The following EIF3L variants were observed in gnomAD, a reference collection of about 807,000 sequenced individuals.
The protein encoded by EIF3L is eukaryotic translation initiation factor 3 subunit L, also known as eIEF associated protein HSPC021.
EIF3L carries 32 observed loss-of-function variants against 74.6 expected under a neutral mutation model. That is an observed-to-expected ratio of 0.43 (90% confidence interval 0.32 to 0.58). EIF3L has a LOEUF of 0.58. EIF3L is among the 20% of genes least tolerant of loss of function. The pLI is 0.06. For synonymous variants in EIF3L, 256 were observed against 254.4 expected (o/e 1.01, Z -0.06); for missense variants, 474 against 707.8 (o/e 0.67, Z 3.75).
intron 7 of EIF3L, among the ~76,000 whole-genome samples, chr22:37,863,590 T>A (rs2145814130): frequency 6.6e-6 from 1 of 152,236 alleles, no homozygotes; most frequent in South Asian, 2.1e-4. Flanking sequence ...TTACTAGACC[T>A]TGTTAGGTGG....
intron 7 of EIF3L, among the ~76,000 whole-genome samples, chr22:37,865,909 G>C (rs1483904372): frequency 6.6e-6 from 1 of 152,214 alleles, no homozygotes; most frequent in East Asian, 1.9e-4. Context: ...CAGTGTTGTT[G>C]TTAAGGGGCT....
rs771738669 is a variant in EIF3L, at chr22:37,850,077, T to G, written c.82+14T>G. The G allele has an allele frequency of 6.2e-7, 1 of 1,613,278 alleles. No homozygotes were observed. The highest frequency in any genetic ancestry group is 1.1e-5 in the South Asian group (1 of 91,080). ...ATATGCACACAGGTGAGACCACGGG[T>G]TAGGCTGGCTGAGTACTCGTAGGGA... On this transcript the variant is annotated intron_variant, in intron 2 of 12. Transcript: ENST00000652021.
At chr22:37,849,879 T>C in intron 1 of EIF3L, 136 bp from the exon 2 acceptor site, 2 of 888,558 alleles carry the variant, frequency 2.3e-6, no homozygotes, top group Non-Finnish European at 3.7e-6. Context: ...CTAAGGCGTG[T>C]GAGTTCCTCA....
At chr22:37,887,020 C>T (rs773399877) in intron 12 of EIF3L, 175 bp downstream of exon 12, 8 of 463,776 alleles carry the variant, frequency 1.7e-5, no homozygotes, top group Non-Finnish European at 3.3e-5. Flanking sequence ...CCTCTGCCTC[C>T]TGGGTTCAAG....
chr22:37,887,054 G>T (rs1239311972), intron 12 of EIF3L: 2 of 378,436 alleles, frequency 5.3e-6, no homozygotes, highest in South Asian at 4.2e-5. Context: ...TCAGCCTCCC[G>T]CATAGCTGGA....
chr22:37,874,846 A>G (rs1569120421), intron 9 of EIF3L, among the ~76,000 whole-genome samples: 1 of 150,852 alleles, frequency 6.6e-6, no homozygotes, highest in Non-Finnish European at 1.5e-5. Flanking sequence ...CCCCTGCCTC[A>G]GCCTCCTGAG....
At chr22:37,857,132 T>C (rs2145803104) in intron 4 of EIF3L, among the ~76,000 whole-genome samples, 1 of 151,866 alleles carries the variant, frequency 6.6e-6, no homozygotes, top group East Asian at 1.9e-4. Context: ...GAGGTGAAGG[T>C]GGACGGATCA....
intron 4 of EIF3L, among the ~76,000 whole-genome samples, chr22:37,856,753 A>G (rs982539284): frequency 6.6e-6 from 1 of 151,734 alleles, no homozygotes; most frequent in Non-Finnish European, 1.5e-5. Context: ...TGGAGGCAGG[A>G]GAATCACTTG....
chr22:37,861,066 G>T (rs776403274), intron 5 of EIF3L, among the ~76,000 whole-genome samples: 1 of 152,138 alleles, frequency 6.6e-6, no homozygotes. Context: ...TAACTCCACC[G>T]GGGTATGTGC....
At chr22:37,850,533 T>G in intron 2 of EIF3L, 1 of 225,886 alleles carries the variant, frequency 4.4e-6, no homozygotes, top group Non-Finnish European at 9.4e-6. Flanking sequence ...GAGACGAGGT[T>G]TCGCCGTGTT....
At chr22:37,871,645 A>T (rs187610503) in intron 8 of EIF3L, among the ~76,000 whole-genome samples, 212 of 152,276 alleles carry the variant, frequency 1.4e-3, no homozygotes, top group African/African-American at 4.9e-3. Flanking sequence ...AGGCGGGCAG[A>T]TCACCTGAGG....
At chr22:37,862,675 A>G (rs1307292408) in intron 5 of EIF3L, among the ~76,000 whole-genome samples, 1 of 152,044 alleles carries the variant, frequency 6.6e-6, no homozygotes, top group East Asian at 1.9e-4. Context: ...CGCCTTTGCT[A>G]GTGTGGTTTT....
At chr22:37,880,597 G>A (rs1177185469) in intron 11 of EIF3L, 1 of 152,196 alleles carries the variant, frequency 6.6e-6, no homozygotes, top group African/African-American at 2.4e-5. Context: ...GTAGAGATGG[G>A]GTTTGGCCAT....
chr22:37,857,372 A>C (rs1170000411), intron 4 of EIF3L, among the ~76,000 whole-genome samples: 92 of 148,714 alleles, frequency 6.2e-4, no homozygotes, highest in African/African-American at 2.1e-3. Context: ...TGCGTCCCAA[A>C]AAAAAAAAAA....
intron 11 of EIF3L, chr22:37,880,715 A>G (rs1242017286): frequency 6.6e-6 from 1 of 152,214 alleles, no homozygotes; most frequent in Non-Finnish European, 1.5e-5. Context: ...GCTAGTTTCA[A>G]GTGATCCTCC....
chr22:37,876,088 T>C (rs963881507), intron 10 of EIF3L, 77 bp downstream of exon 10: 6 of 1,480,932 alleles, frequency 4.1e-6, no homozygotes, highest in Non-Finnish European at 5.5e-6. Flanking sequence ...CCATTCTTGG[T>C]AAACACCATC....
chr22:37,874,295 G>A, intron 8 of EIF3L, 75 bp from the exon 9 acceptor site: 1 of 1,507,544 alleles, frequency 6.6e-7, no homozygotes, highest in East Asian at 2.4e-5. Context: ...GATGCCTACT[G>A]AGTAACATTC....
At position 37,862,161 on chromosome 22, in the gene EIF3L, G is replaced by C. The variant is rs942178103; in HGVS notation, c.436-808G>C. On this transcript the variant is annotated intron_variant, in intron 5 of 12. Coordinates refer to ENST00000652021, the MANE Select transcript of EIF3L (RefSeq NM_016091.4). Reference sequence around the variant, plus strand: ...ATATAATCTTACTTCATTGTGACTAGTCAACAATCTTTTGCCCACATTTTA... The same window carrying C: ...ATATAATCTTACTTCATTGTGACTACTCAACAATCTTTTGCCCACATTTTA... 2.0e-5 allele frequency among the ~76,000 whole-genome samples: 3 copies of C among 152,188 alleles called. No homozygotes were observed. The East Asian group carries it at 5.8e-4, about 29-fold the overall frequency.
At chr22:37,874,595 C>CT in intron 9 of EIF3L, 71 bp downstream of exon 9, 1 of 1,501,930 alleles carries the variant, frequency 6.7e-7, no homozygotes, top group South Asian at 1.3e-5. Context: ...ACTCTGATCT[C>CT]TTAGGACAAA....
Sources: allele counts gnomAD v4.1 joint callset (sites outside exome capture counted in the v4.1 genomes callset), GRCh38; gene constraint gnomAD v4.1.1; transcripts MANE v1.5; gene names NCBI Gene and HGNC (gene_info 2026-07-23, HGNC 2026-07-21).